DOCK7: variants seen among roughly 807,000 people sequenced by gnomAD.
The protein encoded by DOCK7 is dedicator of cytokinesis 7, also known as dedicator of cytokinesis protein 7.
Under a neutral mutation model 271.0 loss-of-function variants are expected in DOCK7, and 138 were observed. The ratio of observed to expected loss-of-function variants is 0.51; its 90% CI spans 0.44 to 0.59. The LOEUF is 0.59. DOCK7 is among the 20% of genes least tolerant of loss of function. The probability of loss-of-function intolerance (pLI) is 0.00; values close to 1 mark genes in which losing one functional copy is unlikely to be tolerated. For missense variants in DOCK7, 2,066 were observed against 2,592.4 expected, an observed-to-expected ratio of 0.80 and a Z score of 4.41; for synonymous variants, 823 against 876.1, an observed-to-expected ratio of 0.94 and a Z score of 1.07.
rs1159279260 is a variant in DOCK7, at chr1:62,496,454, G to T, written c.4808C>A (p.Ser1603Tyr). The change falls in exon 38 of 50, where the codon TCC becomes TAC. Residue 1603 changes from serine (S) to tyrosine (Y), a missense_variant. Physicochemically the swap from Ser to Tyr is moderately radical, Grantham distance 144 (BLOSUM62 -2). Around this residue, in one of 2 missense-constraint regions of DOCK7, gnomAD observed 652 missense variants for 922.1 expected, o/e 0.71. Coordinates refer to ENST00000635253, the MANE Select transcript of DOCK7 (RefSeq NM_001367561.1). ...AAAATTCTGAGATGTGCCCACCAAGGAGGATAGTGACATTGTTACCTGCAT... is the reference window on the plus strand; with the variant it reads ...AAAATTCTGAGATGTGCCCACCAAGTAGGATAGTGACATTGTTACCTGCAT... ...VKMQVTMSLS[S>Y]LVGTSQNFNE... 1 of 1,613,524 alleles carries T rather than the reference G, an allele frequency of 6.2e-7. No homozygotes were observed.
intron 11 of DOCK7, chr1:62,628,502 A>G (rs1032316703): frequency 3.9e-5 from 6 of 152,230 alleles, no homozygotes; most frequent in African/African-American, 1.4e-4. Context: ...ATCCACATAA[A>G]AAGAATGAAA....
At chr1:62,585,672 CCAAA>C (rs1186082198) in intron 15 of DOCK7, among the ~76,000 whole-genome samples, 1 of 152,088 alleles carries the variant, frequency 6.6e-6, no homozygotes, top group African/African-American at 2.4e-5. Flanking sequence ...TCCCTGCTCT[CCAAA>C]CACACTGCTA....
At position 62,543,748 on chromosome 1, in the gene DOCK7, A is replaced by G; in HGVS notation, c.2860-3T>C. ...CGATTACAACTTCGATCCATAGCCT[A>G]TGGAGTGAAGATGAATGAATGACGA... On this transcript the variant is annotated splice_polypyrimidine_tract_variant and splice_region_variant and intron_variant, in intron 23 of 49. Coordinates refer to ENST00000635253, the MANE Select transcript of DOCK7 (RefSeq NM_001367561.1). The G allele has an allele frequency of 1.3e-6, 2 of 1,574,040 alleles. No homozygotes were observed. The highest frequency in any genetic ancestry group is 1.7e-6 in the Non-Finnish European group (2 of 1,150,886).
intron 14 of DOCK7, among the ~76,000 whole-genome samples, chr1:62,587,400 A>T (rs576202010): frequency 6.6e-6 from 1 of 151,972 alleles, no homozygotes. Flanking sequence ...GAACCTTGCT[A>T]ATCAACTGCT....
intron 36 of DOCK7, among the ~76,000 whole-genome samples, chr1:62,505,288 CATCA>C (rs1646907065): frequency 6.6e-6 from 1 of 152,106 alleles, no homozygotes; most frequent in African/African-American, 2.4e-5. Context: ...CTTTTCCATT[CATCA>C]TAAAATAATT....
At position 62,454,985 on chromosome 1, in the gene DOCK7, A is replaced by T; in HGVS notation, c.*429T>A. 1 of 372,874 alleles carries T rather than the reference A, an allele frequency of 2.7e-6. No individual in the cohort carries two copies. The highest frequency in any genetic ancestry group is 4.8e-6 in the Non-Finnish European group (1 of 209,760). The allele number at this position is 372,874 out of a possible 1,614,324, so 23.1% of individuals were successfully genotyped here. A position where few individuals can be genotyped will look rare whatever the true frequency, so the allele number is the denominator to read the frequency against. On this transcript the variant is annotated 3_prime_UTR_variant, in exon 50 of 50. Coordinates refer to ENST00000635253, the MANE Select transcript of DOCK7 (RefSeq NM_001367561.1). ...TGTTCTCTGCCATTGTCAATAATAAAAATTTTGAAGTCCCACTCGGTAAAA... is the reference window on the plus strand; with the variant it reads ...TGTTCTCTGCCATTGTCAATAATAATAATTTTGAAGTCCCACTCGGTAAAA...
At chr1:62,629,672 C>T (rs1251142308) in intron 11 of DOCK7, 1 of 152,156 alleles carries the variant, frequency 6.6e-6, no homozygotes, top group Admixed American at 6.5e-5. Flanking sequence ...GGTTGCAGAA[C>T]CCTGTGAATA....
intron 1 of DOCK7, among the ~76,000 whole-genome samples, chr1:62,667,168 T>C (rs908236231): frequency 1.3e-5 from 2 of 152,188 alleles, no homozygotes; most frequent in African/African-American, 4.8e-5. Context: ...TCTCTAGTCA[T>C]TCTTCATGGG....
At chr1:62,671,480 A>G (rs559805319) in intron 1 of DOCK7, among the ~76,000 whole-genome samples, 3 of 152,332 alleles carry the variant, frequency 2.0e-5, no homozygotes, top group South Asian at 4.1e-4. Flanking sequence ...GGAGAGAGAG[A>G]GAAATGGAGA....
intron 20 of DOCK7, among the ~76,000 whole-genome samples, chr1:62,558,048 C>G (rs1028096868): frequency 6.6e-6 from 1 of 152,014 alleles, no homozygotes; most frequent in Non-Finnish European, 1.5e-5. Context: ...TCTTCAAAGG[C>G]TATTTATTCC....
Position 62,654,058 on chromosome 1 carries a change from A to C in DOCK7, c.246T>G (p.Phe82Leu), listed in dbSNP as rs1657693489. 6.2e-7 allele frequency: 1 copy of C among 1,613,876 alleles called. No homozygotes were observed. Among genetic ancestry groups the C allele is most frequent in the Non-Finnish European group, 8.5e-7 (1 of 1,179,930 alleles). ...DSGPLRDLIE[F>L]PPDDIEVVYS... The stretch of plus-strand genomic sequence containing the variant: ...AAACAACTTCAATATCATCTGGAGG[A>C]AATTCAATCAAATCCCGTAAAGGCC... The change falls in exon 3 of 50, where the codon TTT (phenylalanine) becomes TTG (leucine). Residue 82 changes from phenylalanine (F) to leucine (L), a missense_variant. This residue lies in a region of DOCK7 where 1,414 missense variants were observed against 1,670.4 expected (regional missense o/e 0.85). Coordinates refer to ENST00000635253, the MANE Select transcript of DOCK7 (RefSeq NM_001367561.1).
intron 31 of DOCK7, among the ~76,000 whole-genome samples, chr1:62,516,237 A>G (rs1644658883): frequency 6.6e-6 from 1 of 152,236 alleles, no homozygotes; most frequent in South Asian, 2.1e-4. Context: ...ATTAAAAATG[A>G]GAATTTGTAT....
At chr1:62,603,864 G>A in intron 14 of DOCK7, 1 of 1,090,340 alleles carries the variant, frequency 9.2e-7, no homozygotes, top group Non-Finnish European at 1.4e-6. Flanking sequence ...AGGGATTCAA[G>A]ACTAAACAAC....
Position 62,647,756 on chromosome 1 carries a change from A to G in DOCK7, c.753T>C (p.Leu251=), listed in dbSNP as rs902246294. 6.2e-7 allele frequency: 1 copy of G among 1,609,216 alleles called. No individual in the cohort carries two copies. The highest frequency in any genetic ancestry group is 1.7e-5 in the Admixed American group (1 of 58,954). The change falls in exon 7 of 50, where the codon CTT becomes CTC. Residue 251 remains leucine (L), a synonymous_variant. Transcript: ENST00000635253. The stretch of plus-strand genomic sequence containing the variant: ...GTTCTTTGGGTATATCAGGAACACT[A>G]AGCCGTTCTATTGGTTCTTCCTACA... ...SPDEEEPIER[L]SVPDIPKEHF...
intron 4 of DOCK7, among the ~76,000 whole-genome samples, chr1:62,649,797 T>C (rs1049293950): frequency 7.9e-5 from 12 of 152,186 alleles, no homozygotes; most frequent in Non-Finnish European, 1.3e-4. Flanking sequence ...TTACTCTTTG[T>C]TCCTTGAACA....
intron 2 of DOCK7, among the ~76,000 whole-genome samples, chr1:62,655,603 T>C (rs1571917160): frequency 6.6e-6 from 1 of 152,138 alleles, no homozygotes; most frequent in African/African-American, 2.4e-5. Flanking sequence ...TTTTGTGTTT[T>C]TTTGTAGAGA....
chr1:62,496,266 G>C, intron 38 of DOCK7, 73 bp downstream of exon 38: 4 of 1,571,794 alleles, frequency 2.5e-6, no homozygotes, highest in Non-Finnish European at 3.5e-6. Flanking sequence ...ATCAACTTTT[G>C]ATTTAACAAT....
chr1:62,457,711 A>G lies in DOCK7; in HGVS notation c.6213-6T>C. The G allele has an allele frequency of 6.2e-7, 1 of 1,611,398 alleles. No individual in the cohort carries two copies. Among genetic ancestry groups the G allele is most frequent in the Non-Finnish European group, 8.5e-7 (1 of 1,179,168 alleles). ...TTCTTAAGGCATCTTCACACCTAGG[A>G]AAAACAGGATGTTATCAAGATATTA... On this transcript the variant is annotated splice_region_variant and splice_polypyrimidine_tract_variant and intron_variant, in intron 48 of 49. Coordinates refer to ENST00000635253, the MANE Select transcript of DOCK7 (RefSeq NM_001367561.1).
At chr1:62,535,779 T>C in intron 28 of DOCK7, 147 bp from the exon 29 acceptor site, 2 of 574,176 alleles carry the variant, frequency 3.5e-6, no homozygotes, top group Non-Finnish European at 5.5e-6. Flanking sequence ...TTTCAGACTT[T>C]TGGGACAGGA....
Sources: gnomAD v4.1 joint callset for allele counts (sites outside exome capture counted in the v4.1 genomes callset) on GRCh38, gnomAD v4.1.1 for gene constraint, gnomAD v4.1.1 regional missense constraint, MANE v1.5 for transcripts, NCBI Gene and HGNC (gene_info 2026-07-23, HGNC 2026-07-21) for gene names.